Variants in GABRR1 observed in about 807,000 individuals in gnomAD.
GABRR1 encodes the protein gamma-aminobutyric acid receptor subunit rho-1.
GABRR1 carries 59 observed loss-of-function variants against 55.5 expected under a neutral mutation model. The ratio of observed to expected loss-of-function variants is 1.06; its 90% CI spans 0.86 to 1.32. GABRR1 has a LOEUF of 1.32. GABRR1 is among the 40% of genes most tolerant of loss of function. The pLI is 0.00. For synonymous variants in GABRR1, 213 were observed against 226.0 expected (o/e 0.94, Z 0.51); for missense variants, 602 against 619.1 (o/e 0.97, Z 0.29).
intron 9 of GABRR1, 144 bp downstream of exon 9, chr6:89,180,148 T>C (rs1485520155): frequency 4.7e-6 from 4 of 843,616 alleles, no homozygotes; most frequent in African/African-American, 1.7e-5. Context: ...ACCAATTTGT[T>C]TGCTCTTCAC....
At chr6:89,199,989 A>C (rs890046521) in intron 3 of GABRR1, among the ~76,000 whole-genome samples, 2 of 152,128 alleles carry the variant, frequency 1.3e-5, no homozygotes, top group South Asian at 4.1e-4. Flanking sequence ...GGCCATACGG[A>C]CTAAATATTG....
intron 1 of GABRR1, among the ~76,000 whole-genome samples, chr6:89,208,770 G>T (rs186776196): frequency 8.2e-4 from 125 of 152,376 alleles, no homozygotes; most frequent in African/African-American, 2.8e-3. Flanking sequence ...GCATAAGGAT[G>T]TGGATGTGGA....
intron 5 of GABRR1, among the ~76,000 whole-genome samples, chr6:89,191,916 C>A (rs1582383932): frequency 6.6e-6 from 1 of 152,046 alleles, no homozygotes; most frequent in South Asian, 2.1e-4. Flanking sequence ...GTGGCATGCA[C>A]CTGTAGTCCC....
upstream of GABRR1, among the ~76,000 whole-genome samples, chr6:89,218,514 T>C (rs984711112): frequency 2.0e-5 from 3 of 152,366 alleles, no homozygotes; most frequent in Admixed American, 6.5e-5. Flanking sequence ...TATATATGAT[T>C]CTCACTAACA....
intron 8 of GABRR1, among the ~76,000 whole-genome samples, chr6:89,181,235 T>A (rs567920304): frequency 6.6e-6 from 1 of 152,172 alleles, no homozygotes; most frequent in Non-Finnish European, 1.5e-5. Flanking sequence ...GGGATTGGGG[T>A]CATCTTAAGG....
chr6:89,207,443 C>T (rs1289225825), intron 1 of GABRR1, among the ~76,000 whole-genome samples: 2 of 152,124 alleles, frequency 1.3e-5, no homozygotes, highest in East Asian at 1.9e-4. Flanking sequence ...GATCTGCCCG[C>T]CTCGGCCTCC....
intron 1 of GABRR1, among the ~76,000 whole-genome samples, chr6:89,228,854 C>T (rs1025690004): frequency 7.2e-5 from 11 of 152,074 alleles, no homozygotes; most frequent in Non-Finnish European, 1.0e-4. Context: ...CTAATGTTGA[C>T]AGTGGGGTGT....
chr6:89,179,945 A>C (rs981370879), intron 9 of GABRR1, among the ~76,000 whole-genome samples: 2 of 152,186 alleles, frequency 1.3e-5, no homozygotes, highest in African/African-American at 4.8e-5. Context: ...CCTTATGTTC[A>C]TAAATAATTT....
Position 89,182,060 on chromosome 6 carries a change from G to A in GABRR1, c.797-3C>T. Reference sequence around the variant, plus strand: ...AATGTAGAGACGGTTGTACCAGCCTGGGGGACACAGGAATAAAAGACAGTA... The same window carrying A: ...AATGTAGAGACGGTTGTACCAGCCTAGGGGACACAGGAATAAAAGACAGTA... On this transcript the variant is annotated splice_polypyrimidine_tract_variant and splice_region_variant and intron_variant, in intron 7 of 9. Coordinates refer to ENST00000454853, the MANE Select transcript of GABRR1 (RefSeq NM_002042.5). 1.2e-6 allele frequency: 2 copies of A among 1,613,770 alleles called. No individual in the cohort carries two copies. The highest frequency in any genetic ancestry group is 1.7e-6 in the Non-Finnish European group (2 of 1,179,836).
upstream of GABRR1, chr6:89,221,206 C>T (rs982718513): frequency 2.0e-5 from 3 of 152,446 alleles, no homozygotes; most frequent in Non-Finnish European, 2.9e-5. Context: ...CTTATCTTCT[C>T]ATGGCCATCA....
intron 5 of GABRR1, among the ~76,000 whole-genome samples, chr6:89,196,479 G>A (rs1248688149): frequency 1.3e-5 from 2 of 152,080 alleles, no homozygotes; most frequent in Non-Finnish European, 1.5e-5. Context: ...CTTGAAAACC[G>A]GTCTCAGTGG....
chr6:89,213,439 C>T (rs1211669799), intron 1 of GABRR1, among the ~76,000 whole-genome samples: 3 of 152,144 alleles, frequency 2.0e-5, no homozygotes, highest in East Asian at 3.8e-4. Context: ...GAAATTTGCC[C>T]GCATATATCT....
rs1187140173 is a variant in GABRR1, at chr6:89,217,343, C to T, written c.-21G>A. On this transcript the variant is annotated 5_prime_UTR_variant, in exon 1 of 10. Transcript: ENST00000454853. ...AACATGGGTTTCCAAATTCAAACAG[C>T]TCTCTCCAGAAACAGCAAAAAGGAA... is the stretch of plus-strand genomic sequence containing the variant. The T allele has an allele frequency of 6.2e-7, 1 of 1,613,212 alleles. No individual in the cohort carries two copies. The highest frequency in any genetic ancestry group is 1.3e-5 in the African/African-American group (1 of 74,886).
chr6:89,183,671 C>T (rs886649575), intron 7 of GABRR1, among the ~76,000 whole-genome samples: 2 of 125,208 alleles, frequency 1.6e-5, no homozygotes, highest in Non-Finnish European at 3.5e-5. Context: ...TGGAATACCA[C>T]TCTTCCATTA....
At chr6:89,199,926 AG>A (rs2127799484) in intron 3 of GABRR1, among the ~76,000 whole-genome samples, 1 of 152,336 alleles carries the variant, frequency 6.6e-6, no homozygotes, top group Non-Finnish European at 1.5e-5. Context: ...CAGGGAAGAC[AG>A]GATGCCTGTT....
intron 5 of GABRR1, among the ~76,000 whole-genome samples, chr6:89,194,333 A>G (rs1480599597): frequency 6.6e-6 from 1 of 152,186 alleles, no homozygotes; most frequent in Non-Finnish European, 1.5e-5. Context: ...TGGTTACTGG[A>G]GCGAGGCGAA....
chr6:89,212,427 T>A (rs1772855508), intron 1 of GABRR1, among the ~76,000 whole-genome samples: 1 of 149,174 alleles, frequency 6.7e-6, no homozygotes, highest in Non-Finnish European at 1.5e-5. Context: ...AAGCATCGTC[T>A]CTCTGAAATG....
upstream of GABRR1, among the ~76,000 whole-genome samples, chr6:89,220,147 G>T (rs1050813031): frequency 6.6e-6 from 1 of 152,148 alleles, no homozygotes; most frequent in African/African-American, 2.4e-5. Flanking sequence ...ACATTAAATG[G>T]CTCCTAATGC....
At chr6:89,209,351 G>C (rs1321495720) in intron 1 of GABRR1, among the ~76,000 whole-genome samples, 1 of 151,918 alleles carries the variant, frequency 6.6e-6, no homozygotes, top group Non-Finnish European at 1.5e-5. Context: ...CTTATAGAAC[G>C]TACTACTTTC....
Sources: allele counts gnomAD v4.1 joint callset (sites outside exome capture counted in the v4.1 genomes callset), GRCh38; gene constraint gnomAD v4.1.1; transcripts MANE v1.5; gene names NCBI Gene and HGNC (gene_info 2026-07-23, HGNC 2026-07-21).